Variants in ZCCHC7 observed in about 807,000 individuals in gnomAD.
ZCCHC7 encodes the protein zinc finger CCHC domain-containing protein 7.
Under a neutral mutation model 52.0 loss-of-function variants are expected in ZCCHC7, and 35 were observed. That is an observed-to-expected ratio of 0.67 (90% CI 0.51 to 0.89). The LOEUF is 0.89. Ranked by LOEUF, ZCCHC7 falls within the 40% of genes least tolerant of loss-of-function variation. The pLI, the probability that ZCCHC7 is intolerant of heterozygous loss-of-function variation, is 0.00. For synonymous variants in ZCCHC7, 217 were observed against 221.5 expected (o/e 0.98, Z 0.18); for missense variants, 574 against 649.1 (o/e 0.88, Z 1.26).
At chr9:37,162,019 C>G (rs1015293293) in intron 2 of ZCCHC7, among the ~76,000 whole-genome samples, 2 of 152,104 alleles carry the variant, frequency 1.3e-5, no homozygotes, top group African/African-American at 4.8e-5. Flanking sequence ...ACATTAATAT[C>G]CTTTTAATGA....
chr9:37,194,947 CTTTTTTTTT>C, intron 2 of ZCCHC7, among the ~76,000 whole-genome samples: 1 of 133,502 alleles, frequency 7.5e-6, no homozygotes, highest in East Asian at 2.1e-4. Context: ...TCTCTTTTTT[CTTTTTTTTT>C]TTTTTTTTGA....
At chr9:37,140,207 G>A (rs1052940739) in intron 2 of ZCCHC7, among the ~76,000 whole-genome samples, 1 of 151,860 alleles carries the variant, frequency 6.6e-6, no homozygotes, top group Non-Finnish European at 1.5e-5. Context: ...TTTGTCAATG[G>A]TTTTATTTAG....
intron 2 of ZCCHC7, among the ~76,000 whole-genome samples, chr9:37,273,877 A>C (rs1364881386): frequency 6.6e-6 from 1 of 152,086 alleles, no homozygotes; most frequent in Non-Finnish European, 1.5e-5. Flanking sequence ...TCCAGATATG[A>C]ACACTTTGTT....
At chr9:37,130,364 T>C (rs78202997) in intron 2 of ZCCHC7, among the ~76,000 whole-genome samples, 1 of 131,736 alleles carries the variant, frequency 7.6e-6, no homozygotes, top group South Asian at 2.4e-4. Flanking sequence ...TTTTTTTTTT[T>C]ATAGCAGTGG....
intron 5 of ZCCHC7, among the ~76,000 whole-genome samples, chr9:37,315,184 A>G (rs545052755): frequency 6.6e-6 from 1 of 152,194 alleles, no homozygotes; most frequent in African/African-American, 2.4e-5. Context: ...GTATATATAT[A>G]CATATATAAA....
In ZCCHC7 at chr9:37,356,916, T is replaced by A. The variant is rs146954982; in HGVS notation, c.1280T>A (p.Ile427Lys). 6.2e-7 allele frequency: 1 copy of A among 1,613,462 alleles called. No homozygotes were observed. The highest frequency in any genetic ancestry group is 2.2e-5 in the East Asian group (1 of 44,840). The change falls in exon 9 of 9, where the codon ATA becomes AAA. Residue 427 changes from isoleucine to lysine, a missense_variant. By Grantham distance (102) the Ile-to-Lys change is moderately radical. Coordinates refer to ENST00000336755, the MANE Select transcript of ZCCHC7 (RefSeq NM_032226.3). ...GCAAATGAGAACCCCCACCATGATA[T>A]AAGGAAGGGCCGTGCCTCATGGAAA... ...KAANENPHHD[I>K]RKGRASWKSN...
At chr9:37,129,267 A>C (rs951457876) in intron 2 of ZCCHC7, among the ~76,000 whole-genome samples, 1 of 152,272 alleles carries the variant, frequency 6.6e-6, no homozygotes, top group Admixed American at 6.5e-5. Context: ...GAACTGTGCC[A>C]TATTTGGCAA....
chr9:37,274,830 GT>G (rs796616473), intron 2 of ZCCHC7, among the ~76,000 whole-genome samples: 10 of 145,202 alleles, frequency 6.9e-5, no homozygotes, highest in Admixed American at 1.4e-4. Flanking sequence ...AATCTACTTT[GT>G]TTTTTTTTTA....
At chr9:37,285,054 T>TG (rs1256836823) in intron 2 of ZCCHC7, among the ~76,000 whole-genome samples, 1 of 152,148 alleles carries the variant, frequency 6.6e-6, no homozygotes, top group African/African-American at 2.4e-5. Flanking sequence ...TTAAGGAGAT[T>TG]GGAGGGGAGC....
At chr9:37,227,837 C>CT (rs756412040) in intron 2 of ZCCHC7, among the ~76,000 whole-genome samples, 15 of 152,140 alleles carry the variant, frequency 9.9e-5, no homozygotes, top group Non-Finnish European at 2.1e-4. Flanking sequence ...CAGTCTTGCT[C>CT]TGTTGCCCAG....
chr9:37,326,936 A>G (rs1830266857), intron 5 of ZCCHC7: 1 of 152,108 alleles, frequency 6.6e-6, no homozygotes, highest in Admixed American at 6.6e-5. Context: ...TTATATAGTT[A>G]CAAACAACAC....
At chr9:37,136,401 T>C (rs1264927413) in intron 2 of ZCCHC7, among the ~76,000 whole-genome samples, 1 of 152,118 alleles carries the variant, frequency 6.6e-6, no homozygotes, top group Admixed American at 6.5e-5. Flanking sequence ...CACTTTTTTG[T>C]TGTTGTTTGT....
At chr9:37,340,315 T>A (rs546184300) in intron 6 of ZCCHC7, among the ~76,000 whole-genome samples, 1 of 152,084 alleles carries the variant, frequency 6.6e-6, no homozygotes, top group East Asian at 1.9e-4. Context: ...TCATAGGTAA[T>A]GCTATCTACC....
intron 2 of ZCCHC7, among the ~76,000 whole-genome samples, chr9:37,197,121 A>G (rs1823329736): frequency 6.6e-6 from 1 of 152,238 alleles, no homozygotes; most frequent in Non-Finnish European, 1.5e-5. Flanking sequence ...AAAACAATCC[A>G]GAATGATAAT....
chr9:37,283,941 T>A (rs1828089761), intron 2 of ZCCHC7, among the ~76,000 whole-genome samples: 1 of 152,140 alleles, frequency 6.6e-6, no homozygotes, highest in Non-Finnish European at 1.5e-5. Context: ...ATTTTTTTTT[T>A]TTAATCTATT....
intron 2 of ZCCHC7, among the ~76,000 whole-genome samples, chr9:37,177,676 A>G (rs1167248541): frequency 1.1e-4 from 17 of 152,222 alleles, no homozygotes; most frequent in Admixed American, 1.1e-3. Flanking sequence ...GATCAGTCAC[A>G]TTGATAGGAT....
chr9:37,210,565 C>A (rs1195992507), intron 2 of ZCCHC7, among the ~76,000 whole-genome samples: 3 of 152,100 alleles, frequency 2.0e-5, no homozygotes, highest in Non-Finnish European at 4.4e-5. Context: ...TTACATCATT[C>A]ATTTCCCTCC....
chr9:37,139,615 T>C (rs1843137461), intron 2 of ZCCHC7, among the ~76,000 whole-genome samples: 3 of 152,024 alleles, frequency 2.0e-5, no homozygotes, highest in African/African-American at 7.2e-5. Flanking sequence ...ATTGTGGACT[T>C]GAGAGCATCT....
At chr9:37,189,067 T>C (rs947982443) in intron 2 of ZCCHC7, among the ~76,000 whole-genome samples, 1 of 144,066 alleles carries the variant, frequency 6.9e-6, no homozygotes, top group Non-Finnish European at 1.5e-5. Flanking sequence ...AATGAGATTT[T>C]CATTTTGGTT....
Sources: gnomAD v4.1 joint callset for allele counts (sites outside exome capture counted in the v4.1 genomes callset) on GRCh38, gnomAD v4.1.1 for gene constraint, MANE v1.5 for transcripts, NCBI Gene and HGNC (gene_info 2026-07-23, HGNC 2026-07-21) for gene names.